REDIC1: variants seen among roughly 807,000 people sequenced by gnomAD.
REDIC1 encodes regulator of DNA class I crossover intermediates 1, also known as HEI10 Interacting Protein 1.
the REDIC1 span, among the ~76,000 whole-genome samples, chr12:39,822,415 T>A: frequency 0.01 from 1,585 of 152,272 alleles, 24 homozygotes; most frequent in African/African-American, 0.035. Context: ...AATTAAAATA[T>A]CTAAATAAGG....
At chr12:39,839,650 GCATCTT>G in the REDIC1 span, among the ~76,000 whole-genome samples, 1 of 151,890 alleles carries the variant, frequency 6.6e-6, no homozygotes, top group South Asian at 2.1e-4. Flanking sequence ...TCAGATAGTG[GCATCTT>G]CATCTTTTCT....
the REDIC1 span, chr12:39,692,005 A>C: frequency 6.8e-7 from 1 of 1,479,158 alleles, no homozygotes; most frequent in Admixed American, 2.0e-5. Context: ...AGTGAATATT[A>C]TTATGTATAC....
chr12:39,819,454 A>G, the REDIC1 span, among the ~76,000 whole-genome samples: 19 of 152,126 alleles, frequency 1.2e-4, no homozygotes, highest in African/African-American at 4.6e-4. Context: ...ATAGTTTACT[A>G]CAAACTTTTA....
chr12:39,644,866 G>A, the REDIC1 span, among the ~76,000 whole-genome samples: 1 of 151,908 alleles, frequency 6.6e-6, no homozygotes. Flanking sequence ...TAAGTTTTAT[G>A]TGACACAAGA....
chr12:39,877,926 C>T, the REDIC1 span, among the ~76,000 whole-genome samples: 1 of 152,232 alleles, frequency 6.6e-6, no homozygotes, highest in Non-Finnish European at 1.5e-5. Context: ...AGGTGGATCC[C>T]TCAAGGTTTG....
chr12:39,777,765 A>G, the REDIC1 span, among the ~76,000 whole-genome samples: 1 of 152,226 alleles, frequency 6.6e-6, no homozygotes. Flanking sequence ...GCAGAATGAC[A>G]TGGAGTTTGG....
the REDIC1 span, among the ~76,000 whole-genome samples, chr12:39,824,928 C>A: frequency 6.6e-6 from 1 of 152,044 alleles, no homozygotes; most frequent in East Asian, 1.9e-4. Flanking sequence ...GACATAGAGA[C>A]AGGAAATTAT....
the REDIC1 span, among the ~76,000 whole-genome samples, chr12:39,680,324 A>G: frequency 6.6e-6 from 1 of 152,180 alleles, no homozygotes; most frequent in Non-Finnish European, 1.5e-5. Context: ...AAGTATGTGA[A>G]TAGACAATTT....
chr12:39,811,492 T>C, the REDIC1 span, among the ~76,000 whole-genome samples: 1 of 152,164 alleles, frequency 6.6e-6, no homozygotes, highest in East Asian at 1.9e-4. Flanking sequence ...CCTGACGTTC[T>C]TGATATGTTA....
chr12:39,720,821 T>C, the REDIC1 span: 6 of 1,612,004 alleles, frequency 3.7e-6, no homozygotes, highest in South Asian at 1.1e-5. Context: ...TCACAGCAAA[T>C]TGAAGATTCA....
the REDIC1 span, among the ~76,000 whole-genome samples, chr12:39,718,852 A>C: frequency 6.6e-6 from 1 of 152,164 alleles, no homozygotes; most frequent in Non-Finnish European, 1.5e-5. Context: ...TAAAATTATC[A>C]AACCATGCTT....
chr12:39,766,799 A>G, the REDIC1 span, among the ~76,000 whole-genome samples: 1 of 152,094 alleles, frequency 6.6e-6, no homozygotes, highest in Admixed American at 6.6e-5. Flanking sequence ...CTTAAGAAAC[A>G]ACTCCTTATC....
the REDIC1 span, among the ~76,000 whole-genome samples, chr12:39,692,780 T>C: frequency 6.6e-6 from 1 of 152,198 alleles, no homozygotes; most frequent in South Asian, 2.1e-4. Flanking sequence ...CACACATGTA[T>C]AAAAAGTTTC....
the REDIC1 span, among the ~76,000 whole-genome samples, chr12:39,855,647 A>G: frequency 2.6e-5 from 4 of 152,238 alleles, no homozygotes; most frequent in African/African-American, 9.6e-5. Context: ...AATGTTTATT[A>G]AAATAATTAA....
At chr12:39,654,546 C>T in the REDIC1 span, among the ~76,000 whole-genome samples, 1 of 151,366 alleles carries the variant, frequency 6.6e-6, no homozygotes, top group African/African-American at 2.4e-5. Flanking sequence ...CGAGATCGTG[C>T]CAGTGCACTC....
At chr12:39,821,442 C>T in the REDIC1 span, among the ~76,000 whole-genome samples, 1 of 151,984 alleles carries the variant, frequency 6.6e-6, no homozygotes, top group South Asian at 2.1e-4. Flanking sequence ...TGCCCTTCCA[C>T]AGGAGAATCC....
chr12:39,812,440 T>C, the REDIC1 span, among the ~76,000 whole-genome samples: 3 of 150,882 alleles, frequency 2.0e-5, no homozygotes, highest in African/African-American at 7.4e-5. Flanking sequence ...CTTCCTTTTC[T>C]TTCTTCTCTT....
chr12:39,838,046 A>G, the REDIC1 span, among the ~76,000 whole-genome samples: 2 of 150,828 alleles, frequency 1.3e-5, no homozygotes, highest in East Asian at 2.0e-4. Context: ...GCACACATAT[A>G]TTTATTGTGG....
At chr12:39,861,898 T>A in the REDIC1 span, among the ~76,000 whole-genome samples, 127 of 152,302 alleles carry the variant, frequency 8.3e-4, no homozygotes, top group African/African-American at 2.9e-3. Flanking sequence ...AGTTCCAGGA[T>A]ACATGTGCAG....
Sources: allele counts gnomAD v4.1 joint callset (sites outside exome capture counted in the v4.1 genomes callset), GRCh38; gene constraint gnomAD v4.1.1; transcripts MANE v1.5; gene names NCBI Gene and HGNC (gene_info 2026-07-23, HGNC 2026-07-21).